SPTBN1: variants seen among roughly 807,000 people sequenced by gnomAD.
SPTBN1 encodes the protein spectrin beta chain, non-erythrocytic 1.
In SPTBN1, 32 loss-of-function variants were observed where a neutral mutation model predicts 266.4. The ratio of observed to expected loss-of-function variants is 0.12; its 90% CI spans 0.09 to 0.16. The LOEUF (loss-of-function observed/expected upper bound fraction) is 0.16, where lower values mean the gene tolerates loss of function less well. SPTBN1 is among the 10% of genes least tolerant of loss of function. The pLI is 1.00. For synonymous variants in SPTBN1, 1,336 were observed against 1,162.2 expected (o/e 1.15, Z -3.04); for missense variants, 2,296 against 3,067.1 (o/e 0.75, Z 5.94).
intron 2 of SPTBN1, among the ~76,000 whole-genome samples, chr2:54,579,301 T>C (rs189053674): frequency 4.6e-5 from 7 of 152,250 alleles, no homozygotes; most frequent in Admixed American, 4.6e-4. Flanking sequence ...TATGAGAATG[T>C]CACCCAGAGA....
At chr2:54,609,397 G>T (rs1159703889) in intron 3 of SPTBN1, among the ~76,000 whole-genome samples, 3 of 152,124 alleles carry the variant, frequency 2.0e-5, no homozygotes, top group Admixed American at 1.3e-4. Flanking sequence ...ATTCTGTGAA[G>T]TCCTGTGTAA....
At chr2:54,650,095 C>G (rs1572754180) in intron 26 of SPTBN1, 106 bp downstream of exon 26, 1 of 1,425,752 alleles carries the variant, frequency 7.0e-7, no homozygotes, top group East Asian at 2.3e-5. Flanking sequence ...AAAAGAATTG[C>G]CCCAATTAAG....
At chr2:54,640,396 T>C (rs1325474847) in intron 18 of SPTBN1, among the ~76,000 whole-genome samples, 2 of 151,978 alleles carry the variant, frequency 1.3e-5, no homozygotes, top group Admixed American at 6.5e-5. Flanking sequence ...GATCCGCCCC[T>C]GTTACCACCC....
intron 2 of SPTBN1, among the ~76,000 whole-genome samples, chr2:54,544,547 C>T (rs1672124050): frequency 6.6e-6 from 1 of 152,052 alleles, no homozygotes. Context: ...TCATTTTTGT[C>T]TGTTTGTTTC....
intron 28 of SPTBN1, among the ~76,000 whole-genome samples, chr2:54,655,449 C>A (rs750635010): frequency 3.3e-5 from 5 of 152,162 alleles, no homozygotes; most frequent in African/African-American, 4.8e-5. Flanking sequence ...CCGCATCCTC[C>A]CCAATCAGTA....
intron 1 of SPTBN1, among the ~76,000 whole-genome samples, chr2:54,499,019 C>T (rs1430126777): frequency 6.6e-6 from 1 of 152,108 alleles, no homozygotes; most frequent in Admixed American, 6.5e-5. Context: ...GGGACTTCAC[C>T]CTTCACCTCC....
chr2:54,598,219 A>G (rs866481014), intron 2 of SPTBN1, among the ~76,000 whole-genome samples: 37 of 152,184 alleles, frequency 2.4e-4, no homozygotes, highest in African/African-American at 8.4e-4. Flanking sequence ...AACCTTTAAC[A>G]CTGTTTCCTG....
rs983685117 is a variant in SPTBN1 at position 54,558,187 on chromosome 2, C to T, written c.148+31621C>T. On this transcript the variant is annotated intron_variant, in intron 2 of 35. Coordinates refer to ENST00000356805, the MANE Select transcript of SPTBN1 (RefSeq NM_003128.3). This position sits in a 1 kb window ranked among gnomAD's most constrained non-coding sequence, Gnocchi z 4.6. ...CCAGGGCCCGGCCGGGGGTCGGCGG[C>T]TGCCGGGCGGCTGGGGCGACCGCGG... 3.6e-5 allele frequency: 35 copies of T among 985,350 alleles called. No homozygotes were observed. The African/African-American group carries it at 5.8e-4, about 16-fold the overall frequency. The allele number at this position is 985,350 out of a possible 1,614,324, so 61.0% of individuals were successfully genotyped here. A position where few individuals can be genotyped will look rare whatever the true frequency, so the allele number is the denominator to read the frequency against.
intron 1 of SPTBN1, among the ~76,000 whole-genome samples, chr2:54,470,044 C>T (rs919828904): frequency 2.6e-5 from 4 of 152,172 alleles, no homozygotes; most frequent in African/African-American, 9.7e-5. Flanking sequence ...AAGGAAATCC[C>T]GAGTTTCCCT....
intron 1 of SPTBN1, among the ~76,000 whole-genome samples, chr2:54,518,525 T>C (rs1037787000): frequency 2.0e-5 from 3 of 152,014 alleles, no homozygotes; most frequent in African/African-American, 7.3e-5. Context: ...TTGAGATAGT[T>C]GAAGCAAAAT....
chr2:54,474,292 A>G (rs1667690365), intron 1 of SPTBN1, among the ~76,000 whole-genome samples: 1 of 152,204 alleles, frequency 6.6e-6, no homozygotes, highest in South Asian at 2.1e-4. Context: ...AGTGGTGATA[A>G]CCTAAAAGTC....
chr2:54,483,838 C>CT (rs1253715941), intron 1 of SPTBN1, among the ~76,000 whole-genome samples: 1 of 152,126 alleles, frequency 6.6e-6, no homozygotes, highest in Non-Finnish European at 1.5e-5. Flanking sequence ...TGTTGCAGAC[C>CT]TTATTGCCTT....
chr2:54,595,775 A>G (rs556699242), intron 2 of SPTBN1, among the ~76,000 whole-genome samples: 1 of 152,134 alleles, frequency 6.6e-6, no homozygotes, highest in Non-Finnish European at 1.5e-5. Flanking sequence ...TTTGGGCCAG[A>G]TAATTGTTTG....
chr2:54,563,593 CTTTTTTT>C (rs750173696), intron 2 of SPTBN1, among the ~76,000 whole-genome samples: 9 of 64,454 alleles, frequency 1.4e-4, no homozygotes, highest in Admixed American at 5.1e-4. Flanking sequence ...AAAATTTATT[CTTTTTTT>C]TTTTTTTTTT....
chr2:54,492,341 GTTTTTTTGTTT>G (rs1471120034), intron 1 of SPTBN1, among the ~76,000 whole-genome samples: 6 of 88,392 alleles, frequency 6.8e-5, no homozygotes, highest in African/African-American at 1.2e-4. Flanking sequence ...GTCTGCAGTT[GTTTTTTTGTTT>G]TTTTTTTTTT....
chr2:54,603,898 C>G (rs377360313), intron 3 of SPTBN1, among the ~76,000 whole-genome samples: 8 of 152,202 alleles, frequency 5.3e-5, no homozygotes, highest in Non-Finnish European at 1.0e-4. Flanking sequence ...TGTATTTCCT[C>G]TTCACCTGAA....
intron 1 of SPTBN1, among the ~76,000 whole-genome samples, chr2:54,473,503 G>GT (rs148184623): frequency 0.27 from 40,117 of 147,778 alleles, 5,845 homozygotes; most frequent in East Asian, 0.39. Context: ...CTCCAGTTTT[G>GT]TTTTTTTTTT....
intron 4 of SPTBN1, among the ~76,000 whole-genome samples, chr2:54,614,081 G>A (rs933378921): frequency 6.6e-6 from 1 of 152,302 alleles, no homozygotes; most frequent in South Asian, 2.1e-4. Flanking sequence ...TGTAAATGCT[G>A]ATGTGTATTT....
chr2:54,500,857 C>G (rs1221150832), intron 1 of SPTBN1, among the ~76,000 whole-genome samples: 3 of 152,186 alleles, frequency 2.0e-5, no homozygotes. Context: ...TTTTAAAGAT[C>G]TTGATGCTCA....
Sources: allele counts gnomAD v4.1 joint callset (sites outside exome capture counted in the v4.1 genomes callset), GRCh38; gene constraint gnomAD v4.1.1; non-coding constraint Gnocchi (gnomAD v3.1); transcripts MANE v1.5; gene names NCBI Gene and HGNC (gene_info 2026-07-23, HGNC 2026-07-21).